The following CLOCK variants were observed in gnomAD, a reference collection of about 807,000 sequenced individuals.
The protein encoded by CLOCK is clock circadian regulator.
A neutral mutation model predicts 118.4 loss-of-function variants in CLOCK; 43 were observed. That is an observed-to-expected ratio of 0.36 (90% CI 0.28 to 0.47). CLOCK has a LOEUF of 0.47. Among genes scored for constraint, CLOCK ranks in the 20% least tolerant of loss-of-function variants. The probability of loss-of-function intolerance (pLI) is 1.00; values close to 1 mark genes in which losing one functional copy is unlikely to be tolerated. For synonymous variants in CLOCK, 326 were observed against 339.2 expected (o/e 0.96, Z 0.43); for missense variants, 846 against 999.9 (o/e 0.85, Z 2.08).
At chr4:55,466,309 C>T (rs752453763) in intron 8 of CLOCK, among the ~76,000 whole-genome samples, 7 of 152,210 alleles carry the variant, frequency 4.6e-5, no homozygotes, top group African/African-American at 7.2e-5. Flanking sequence ...CTTCCCCTTC[C>T]GCCATGACTG....
chr4:55,436,228 C>T (rs1228121310), intron 22 of CLOCK, among the ~76,000 whole-genome samples: 2 of 152,190 alleles, frequency 1.3e-5, no homozygotes, highest in East Asian at 3.9e-4. Flanking sequence ...AATATGAAGG[C>T]AAAGTTGCAG....
intron 9 of CLOCK, among the ~76,000 whole-genome samples, chr4:55,460,393 T>C (rs566834580): frequency 6.6e-6 from 1 of 152,232 alleles, no homozygotes; most frequent in Non-Finnish European, 1.5e-5. Context: ...GATTGTCCCA[T>C]TAGTAACTTA....
chr4:55,534,968 A>G (rs375270118), intron 1 of CLOCK, among the ~76,000 whole-genome samples: 36 of 144,526 alleles, frequency 2.5e-4, no homozygotes, highest in African/African-American at 9.0e-4. Flanking sequence ...TTGCTCTGTC[A>G]TCCAAGCTGA....
chr4:55,540,220 C>T (rs895328439), intron 1 of CLOCK, among the ~76,000 whole-genome samples: 17 of 152,082 alleles, frequency 1.1e-4, no homozygotes, highest in Middle Eastern at 3.4e-3. Context: ...GTTGGCCAGG[C>T]TGGTCTCAAA....
intron 1 of CLOCK, among the ~76,000 whole-genome samples, chr4:55,522,624 T>G (rs1369521910): frequency 6.6e-6 from 1 of 152,152 alleles, no homozygotes; most frequent in African/African-American, 2.4e-5. Flanking sequence ...TAAGGAACAG[T>G]AAGATTAACA....
At chr4:55,532,804 G>A (rs1160891137) in intron 1 of CLOCK, among the ~76,000 whole-genome samples, 1 of 151,988 alleles carries the variant, frequency 6.6e-6, no homozygotes, top group Non-Finnish European at 1.5e-5. Context: ...CCATGATTGT[G>A]CCACTGCACT....
At chr4:55,495,577 A>G (rs1285154409) in intron 2 of CLOCK, among the ~76,000 whole-genome samples, 1 of 152,060 alleles carries the variant, frequency 6.6e-6, no homozygotes, top group East Asian at 1.9e-4. Flanking sequence ...TCCTTATTGT[A>G]GTCATTCACA....
Position 55,438,324 on chromosome 4 carries a change from T to A in CLOCK, c.2319A>T (p.Pro773=), listed in dbSNP as rs141175897. The A allele has an allele frequency of 1.9e-6, 3 of 1,614,098 alleles. No individual in the cohort carries two copies. In the East Asian group the frequency reaches 6.7e-5, roughly 36 times the overall value. ...GTGGCTGGGTCAGCTGAGCCTGAGA[T>A]GGTTGCTGAACTGAAGTGAGCTGCT... ...QEQQLTSVQQ[P]SQAQLTQPPQ... is the part of the protein sequence containing the mutation. The change falls in exon 22 of 23, where the codon CCA becomes CCT. Residue 773 remains proline, a synonymous_variant. Coordinates refer to ENST00000513440, the MANE Select transcript of CLOCK (RefSeq NM_004898.4).
chr4:55,531,094 G>A (rs1466184041), intron 1 of CLOCK, among the ~76,000 whole-genome samples: 1 of 152,042 alleles, frequency 6.6e-6, no homozygotes, highest in East Asian at 1.9e-4. Flanking sequence ...AACTGTGGGA[G>A]GAAAAGATGA....
chr4:55,519,792 A>C (rs1729748287), intron 1 of CLOCK, among the ~76,000 whole-genome samples: 1 of 152,098 alleles, frequency 6.6e-6, no homozygotes, highest in Non-Finnish European at 1.5e-5. Flanking sequence ...AATAAAAAAT[A>C]AAAATAAAAA....
At chr4:55,476,555 T>C (rs571044827) in intron 6 of CLOCK, among the ~76,000 whole-genome samples, 1 of 152,322 alleles carries the variant, frequency 6.6e-6, no homozygotes, top group Non-Finnish European at 1.5e-5. Context: ...TTAAGTGCTC[T>C]ATCTTAATTA....
chr4:55,526,052 C>T (rs1321785912), intron 1 of CLOCK, among the ~76,000 whole-genome samples: 4 of 152,094 alleles, frequency 2.6e-5, no homozygotes, highest in Non-Finnish European at 5.9e-5. Flanking sequence ...TTCAGATTTT[C>T]GGGATACTCA....
At chr4:55,523,938 T>G (rs890089518) in intron 1 of CLOCK, among the ~76,000 whole-genome samples, 35 of 152,284 alleles carry the variant, frequency 2.3e-4, no homozygotes, top group African/African-American at 7.9e-4. Context: ...TCCAACAACT[T>G]TTTTCTTTTT....
chr4:55,474,896 A>C (rs956915602), intron 7 of CLOCK, among the ~76,000 whole-genome samples: 7 of 152,238 alleles, frequency 4.6e-5, no homozygotes, highest in Admixed American at 1.3e-4. Flanking sequence ...ATGGAGATGT[A>C]CAAGGAGATT....
intron 3 of CLOCK, 61 bp from the exon 4 acceptor site, chr4:55,482,889 T>C (rs1727028269): frequency 1.3e-6 from 1 of 773,642 alleles, no homozygotes; most frequent in African/African-American, 1.8e-5. Context: ...TCCACAAACT[T>C]ATCTTGAGAA....
At chr4:55,504,807 TATTTC>T (rs1240324926) in intron 2 of CLOCK, among the ~76,000 whole-genome samples, 2 of 152,194 alleles carry the variant, frequency 1.3e-5, no homozygotes, top group East Asian at 1.9e-4. Context: ...TGCAAAGTTG[TATTTC>T]ATTTCATTAC....
At chr4:55,436,509 T>G (rs1722887345) in intron 22 of CLOCK, among the ~76,000 whole-genome samples, 1 of 152,232 alleles carries the variant, frequency 6.6e-6, no homozygotes, top group Admixed American at 6.5e-5. Context: ...ATGAAAGTCC[T>G]TTCCCCATTA....
intron 13 of CLOCK, among the ~76,000 whole-genome samples, chr4:55,454,613 CAAAAAAAAAA>C (rs10566273): frequency 1.4e-5 from 1 of 69,484 alleles, no homozygotes; most frequent in African/African-American, 6.2e-5. Flanking sequence ...GACTCCATCC[CAAAAAAAAAA>C]AAAAAAAAAA....
At position 55,428,951 on chromosome 4, in the gene CLOCK, G is replaced by T. The variant is rs1454284405; in HGVS notation, c.*6464C>A. ...AAATCATTCCAGTATGGTCTGAATG[G>T]TAACTGTTCTGGCTGACACATCTTT... On this transcript the variant is annotated 3_prime_UTR_variant, in exon 23 of 23. Coordinates refer to ENST00000513440, the MANE Select transcript of CLOCK (RefSeq NM_004898.4). 3 of 148,444 alleles carry T rather than the reference G, an allele frequency of 2.0e-5. No individual in the cohort carries two copies. Among genetic ancestry groups the T allele is most frequent in the Non-Finnish European group, 3.0e-5 (2 of 67,410 alleles). 9.2% of individuals were successfully genotyped at this position (148,444 alleles called of 1,614,324 possible). A position where few individuals can be genotyped will look rare whatever the true frequency, so the allele number is the denominator to read the frequency against.
Sources: gnomAD v4.1 joint callset for allele counts (sites outside exome capture counted in the v4.1 genomes callset) on GRCh38, gnomAD v4.1.1 for gene constraint, MANE v1.5 for transcripts, NCBI Gene and HGNC (gene_info 2026-07-23, HGNC 2026-07-21) for gene names.